The following SPAG16 variants were observed in gnomAD, a reference collection of about 807,000 sequenced individuals.
The protein encoded by SPAG16 is sperm associated antigen 16.
SPAG16 carries 86 observed loss-of-function variants against 80.4 expected under a neutral mutation model. The ratio of observed to expected loss-of-function variants is 1.07; its 90% CI spans 0.90 to 1.28. SPAG16 has a LOEUF of 1.28. SPAG16 is among the 50% of genes most tolerant of loss of function. The pLI is 0.00. For missense variants in SPAG16, 870 were observed against 765.3 expected (o/e 1.14, Z -1.61); for synonymous variants, 294 against 265.9 (o/e 1.11, Z -1.03).
intron 10 of SPAG16, among the ~76,000 whole-genome samples, chr2:213,631,414 A>G (rs938149485): frequency 6.6e-6 from 1 of 152,176 alleles, no homozygotes; most frequent in Non-Finnish European, 1.5e-5. Context: ...AATTCGTTTA[A>G]TTCTTATCAC....
At position 213,540,029 on chromosome 2, in the gene SPAG16, AT is replaced by A. The variant is rs58117443; in HGVS notation, c.1070+49962del. The stretch of plus-strand genomic sequence containing the variant: ...CACAATGATACCATTATATTTCTTA[AT>A]TTTTTTTTTTTTTTTTTTTTTTGAG... On this transcript the variant is annotated intron_variant, in intron 10 of 15. Transcript: ENST00000331683. Among the ~76,000 whole-genome samples the A allele has an allele frequency of 8.6e-3, 953 of 110,810 alleles. 6 individuals carry two copies. Among genetic ancestry groups the A allele is most frequent in the African/African-American group, 0.026 (778 of 29,808 alleles). The allele number at this position is 110,810 out of a possible 152,430, so 72.7% of individuals were successfully genotyped here. A position where few individuals can be genotyped will look rare whatever the true frequency, so the allele number is the denominator to read the frequency against.
intron 11 of SPAG16, among the ~76,000 whole-genome samples, chr2:213,918,530 A>G (rs2078068632): frequency 1.3e-5 from 2 of 152,130 alleles, no homozygotes; most frequent in African/African-American, 2.4e-5. Flanking sequence ...GAATTAAGGC[A>G]GGACTTGCCT....
chr2:213,413,192 T>C (rs978938361), intron 9 of SPAG16, among the ~76,000 whole-genome samples: 9 of 152,180 alleles, frequency 5.9e-5, no homozygotes, highest in Non-Finnish European at 1.3e-4. Flanking sequence ...TCTGAATGTA[T>C]GTTTTCTAGA....
Position 214,260,928 on chromosome 2 carries a change from G to A in SPAG16, c.1720+111662G>A, listed in dbSNP as rs192162002. On this transcript the variant is annotated intron_variant, in intron 15 of 15. Transcript: ENST00000331683. ...TTGAGACCAGCCTGGCCAACATGGC[G>A]AAACCCTGTCTCTACTAAAAGTACA... Among the ~76,000 whole-genome samples the A allele has an allele frequency of 5.2e-3, 795 of 151,712 alleles. 6 individuals carry two copies. The highest frequency in any genetic ancestry group is 0.018 in the African/African-American group (748 of 41,354).
intron 13 of SPAG16, among the ~76,000 whole-genome samples, chr2:214,062,622 C>G (rs1351039031): frequency 6.7e-6 from 1 of 150,260 alleles, no homozygotes; most frequent in Non-Finnish European, 1.5e-5. Context: ...TCTAATTCAT[C>G]ACAATATCTT....
intron 10 of SPAG16, among the ~76,000 whole-genome samples, chr2:213,730,991 A>C: frequency 6.6e-6 from 1 of 151,520 alleles, no homozygotes; most frequent in East Asian, 1.9e-4. Flanking sequence ...TTTCTATTAC[A>C]TTTTTTTATT....
intron 9 of SPAG16, among the ~76,000 whole-genome samples, chr2:213,467,021 G>A (rs955139342): frequency 2.0e-5 from 3 of 152,176 alleles, no homozygotes; most frequent in African/African-American, 7.2e-5. Context: ...AAAGTATAGG[G>A]ATTGAGAACC....
At chr2:214,012,165 G>A (rs578003989) in intron 12 of SPAG16, among the ~76,000 whole-genome samples, 256 of 144,702 alleles carry the variant, frequency 1.8e-3, no homozygotes, top group African/African-American at 4.9e-3. Context: ...TACATGGCTT[G>A]GTTCAAGCCA....
intron 9 of SPAG16, among the ~76,000 whole-genome samples, chr2:213,377,385 A>T (rs2066929430): frequency 6.6e-6 from 1 of 152,138 alleles, no homozygotes; most frequent in Non-Finnish European, 1.5e-5. Flanking sequence ...AGGTAATTCA[A>T]CCCTTACCCT....
intron 15 of SPAG16, among the ~76,000 whole-genome samples, chr2:214,303,990 C>T (rs975510276): frequency 7.2e-5 from 11 of 152,080 alleles, no homozygotes; most frequent in Non-Finnish European, 1.2e-4. Context: ...GGTATTTTTC[C>T]TGATCTTCTC....
intron 15 of SPAG16, among the ~76,000 whole-genome samples, chr2:214,283,021 A>T (rs540345317): frequency 6.6e-6 from 1 of 152,280 alleles, no homozygotes; most frequent in East Asian, 1.9e-4. Context: ...TCAGCATGAG[A>T]TATATAGATG....
At chr2:214,185,544 C>T (rs1218437387) in intron 15 of SPAG16, among the ~76,000 whole-genome samples, 12 of 151,190 alleles carry the variant, frequency 7.9e-5, no homozygotes, top group Non-Finnish European at 7.4e-5. Context: ...ATCAAGAAAA[C>T]TAGAGAAATT....
chr2:214,029,295 A>G (rs2048291826), intron 13 of SPAG16, among the ~76,000 whole-genome samples: 1 of 152,008 alleles, frequency 6.6e-6, no homozygotes, highest in Non-Finnish European at 1.5e-5. Context: ...GAGTGAGGAA[A>G]GAGGGGTTGG....
intron 14 of SPAG16, among the ~76,000 whole-genome samples, chr2:214,137,939 T>C (rs1451379898): frequency 6.6e-6 from 1 of 152,128 alleles, no homozygotes; most frequent in Non-Finnish European, 1.5e-5. Flanking sequence ...AAAGGACATG[T>C]TAATTAAAAA....
chr2:213,798,056 T>C (rs946274270), intron 10 of SPAG16, among the ~76,000 whole-genome samples: 1 of 152,230 alleles, frequency 6.6e-6, no homozygotes, highest in African/African-American at 2.4e-5. Flanking sequence ...ATTCCCCTAA[T>C]GACTACTCCT....
intron 5 of SPAG16, among the ~76,000 whole-genome samples, chr2:213,336,186 G>A (rs146042468): frequency 4.5e-4 from 69 of 152,284 alleles, no homozygotes; most frequent in African/African-American, 1.4e-3. Flanking sequence ...TGCAACCTGC[G>A]GATCAGGAGT....
At chr2:213,657,699 C>A (rs13424310) in intron 10 of SPAG16, among the ~76,000 whole-genome samples, 3,795 of 152,168 alleles carry the variant, frequency 0.025, 159 homozygotes, top group African/African-American at 0.085. Context: ...AGATAATCAT[C>A]AAAAATTTGT....
chr2:213,376,894 T>G (rs1349864779), intron 9 of SPAG16, among the ~76,000 whole-genome samples: 1 of 152,176 alleles, frequency 6.6e-6, no homozygotes. Flanking sequence ...ATACCTGAAG[T>G]GCATAGGACT....
chr2:213,541,889 C>T (rs1016292132), intron 10 of SPAG16, among the ~76,000 whole-genome samples: 6 of 152,154 alleles, frequency 3.9e-5, no homozygotes, highest in Admixed American at 3.3e-4. Flanking sequence ...TTCTTCCTCA[C>T]TGGGGGTTGA....
Sources: gnomAD v4.1 joint callset for allele counts (sites outside exome capture counted in the v4.1 genomes callset) on GRCh38, gnomAD v4.1.1 for gene constraint, MANE v1.5 for transcripts, NCBI Gene and HGNC (gene_info 2026-07-23, HGNC 2026-07-21) for gene names.